Variants in DNAH2 observed in about 807,000 individuals in gnomAD.
DNAH2 encodes axonemal beta dynein heavy chain 2.
Under a neutral mutation model 523.5 loss-of-function variants are expected in DNAH2, and 323 were observed. The ratio of observed to expected loss-of-function variants is 0.62; its 90% CI spans 0.56 to 0.68. DNAH2 has a LOEUF of 0.68. Among genes scored for constraint, DNAH2 ranks in the 30% least tolerant of loss-of-function variants. DNAH2 has a pLI of 0.00. For synonymous variants in DNAH2, 2,093 were observed against 2,177.4 expected, an observed-to-expected ratio of 0.96 and a Z score of 1.08; for missense variants, 4,907 against 5,701.5, an observed-to-expected ratio of 0.86 and a Z score of 4.49.
chr17:7,779,134 T>G, intron 35 of DNAH2, 109 bp from the exon 36 acceptor site: 1 of 1,328,428 alleles, frequency 7.5e-7, no homozygotes, highest in Non-Finnish European at 1.0e-6. Context: ...CCCCCTAGTC[T>G]GGAGGCCGCC....
intron 11 of DNAH2, 124 bp from the exon 12 acceptor site, chr17:7,742,804 T>C: frequency 1.8e-6 from 1 of 568,670 alleles, no homozygotes; most frequent in Non-Finnish European, 2.7e-6. Context: ...TCCATCTCCA[T>C]AGCAAGCCTT....
Position 7,832,959 on chromosome 17 carries a change from C to G in DNAH2, c.12978+31C>G, listed in dbSNP as rs1186266309. The stretch of plus-strand genomic sequence containing the variant: ...AGCCAGTTGTGCTTGGGGCTCTGAG[C>G]AAAAGAGGGTACTGGAAATAATTGG... On this transcript the variant is annotated intron_variant, in intron 84 of 85. Transcript: ENST00000572933. This position sits in a 1 kb window ranked among gnomAD's most constrained non-coding sequence, Gnocchi z 4.3. 3.7e-6 allele frequency: 6 copies of G among 1,613,764 alleles called. No individual in the cohort carries two copies. In the Admixed American group the frequency reaches 1.0e-4, roughly 27 times the overall value.
At chr17:7,723,737 T>G (rs1597451348) in intron 3 of DNAH2, 48 bp downstream of exon 3, 2 of 1,526,520 alleles carry the variant, frequency 1.3e-6, no homozygotes, top group Admixed American at 1.7e-5. Context: ...CCAAAACTGG[T>G]GAATCAAAGG....
intron 56 of DNAH2, 22 bp from the exon 57 acceptor site, chr17:7,801,556 G>A: frequency 6.2e-7 from 1 of 1,613,750 alleles, no homozygotes; most frequent in South Asian, 1.1e-5. Flanking sequence ...GGAATTTACA[G>A]CCTCTCCAAA....
At chr17:7,756,992 A>G in intron 12 of DNAH2, 99 bp from the exon 13 acceptor site, 2 of 1,541,480 alleles carry the variant, frequency 1.3e-6, no homozygotes, top group Non-Finnish European at 1.8e-6. Flanking sequence ...TCTCATCTCG[A>G]CATTTCCCTG....
At chr17:7,812,261 CT>C in intron 63 of DNAH2, among the ~76,000 whole-genome samples, 1 of 152,254 alleles carries the variant, frequency 6.6e-6, no homozygotes, top group Non-Finnish European at 1.5e-5. Flanking sequence ...TGTATACATT[CT>C]TTTCTTAGGG....
chr17:7,733,022 C>T, intron 4 of DNAH2, 65 bp from the exon 5 acceptor site: 1 of 1,553,132 alleles, frequency 6.4e-7, no homozygotes, highest in Non-Finnish European at 8.8e-7. Context: ...CTCAGCCGGG[C>T]TTTTGTGACT....
rs1429961332 is a variant in DNAH2 at position 7,830,464 on chromosome 17, C to G, written c.12018C>G (p.Ile4006Met). 1.2e-6 allele frequency: 2 copies of G among 1,614,202 alleles called. No homozygotes were observed. Among genetic ancestry groups the G allele is most frequent in the African/African-American group, 2.7e-5 (2 of 75,056 alleles). Residue 4006 changes from isoleucine (I) to methionine (M), a missense_variant, in exon 78 of 86, where the codon ATC becomes ATG. By Grantham distance (10) the Ile-to-Met change is conservative (BLOSUM62 1). Coordinates refer to ENST00000572933, the MANE Select transcript of DNAH2 (RefSeq NM_020877.5). ...KKFLQLGWNI[I>M]YGFNDSDFEV... ...TCCTGCAGCTTGGCTGGAACATCAT[C>G]TATGGCTTCAATGACTCCGACTTTG... is the stretch of plus-strand genomic sequence containing the variant.
At chr17:7,722,084 T>C (rs1286039274) in intron 2 of DNAH2, among the ~76,000 whole-genome samples, 1 of 151,970 alleles carries the variant, frequency 6.6e-6, no homozygotes, top group Non-Finnish European at 1.5e-5. Flanking sequence ...CTGCGACCTC[T>C]GCCTCCCGGA....
chr17:7,759,882 T>C lies in DNAH2; in HGVS notation c.2729T>C (p.Leu910Pro). Residue 910 changes from leucine (L) to proline (P), a missense_variant, in exon 17 of 86, where the codon CTC becomes CCC. By Grantham distance (98) the Leu-to-Pro change is moderately conservative. Transcript: ENST00000572933. ...LFSTISVFCH[L>P]PDILTKRKLH... is the part of the protein sequence containing the mutation. ...TCCACCATCTCTGTCTTCTGCCACC[T>C]CCCTGACATTCTCACCAAGCGCAAG... is the stretch of plus-strand genomic sequence containing the variant. The C allele has an allele frequency of 4.3e-6, 7 of 1,614,156 alleles. No individual in the cohort carries two copies. The highest frequency in any genetic ancestry group is 5.9e-6 in the Non-Finnish European group (7 of 1,180,030).
intron 4 of DNAH2, among the ~76,000 whole-genome samples, chr17:7,731,885 C>T (rs181284755): frequency 3.3e-5 from 5 of 151,716 alleles, no homozygotes; most frequent in African/African-American, 7.3e-5. Context: ...AAAAATTAGC[C>T]GGGCGTGGTG....
chr17:7,792,424 CA>C, intron 46 of DNAH2, 81 bp downstream of exon 46: 1 of 1,383,756 alleles, frequency 7.2e-7, no homozygotes, highest in Non-Finnish European at 1.0e-6. Context: ...GGCCTAGAAG[CA>C]AAAATGAGCA....
At position 7,791,142 on chromosome 17, in the gene DNAH2, C is replaced by T. The variant is rs1035534102; in HGVS notation, c.6901-775C>T. Among the ~76,000 whole-genome samples the T allele has an allele frequency of 5.3e-5, 8 of 151,836 alleles. No individual in the cohort carries two copies. The South Asian group carries it at 6.2e-4, about 12-fold the overall frequency. ...AGGCTGGAGCGCAGCGGTGCCATCTCGGCTCACTGCAACCTCCACCTCCTG... is the reference window on the plus strand; with the variant it reads ...AGGCTGGAGCGCAGCGGTGCCATCTTGGCTCACTGCAACCTCCACCTCCTG... On this transcript the variant is annotated intron_variant, in intron 44 of 85. Coordinates refer to ENST00000572933, the MANE Select transcript of DNAH2 (RefSeq NM_020877.5).
At position 7,770,565 on chromosome 17, in the gene DNAH2, A is replaced by G; in HGVS notation, c.4107A>G (p.Gln1369=). ...TKELAIEVAL[Q]NIAKTWDVTQ... ...CCAATTTCTCTCCACAGGCTTTACA[A>G]AACATTGCCAAGACCTGGGATGTGA... Residue 1369 remains glutamine (Q), a synonymous_variant, in exon 26 of 86, where the codon CAA becomes CAG. Transcript: ENST00000572933. 3 of 1,614,156 alleles carry G rather than the reference A, an allele frequency of 1.9e-6. No homozygotes were observed. In the South Asian group the frequency reaches 3.3e-5, roughly 18 times the overall value.
intron 9 of DNAH2, 83 bp from the exon 10 acceptor site, chr17:7,740,337 C>G: frequency 1.3e-6 from 2 of 1,580,958 alleles, no homozygotes; most frequent in Non-Finnish European, 1.7e-6. Flanking sequence ...CTGTCCTCAG[C>G]AATGCATGGG....
At chr17:7,722,092 G>A (rs373428413) in intron 2 of DNAH2, among the ~76,000 whole-genome samples, 45 of 151,976 alleles carry the variant, frequency 3.0e-4, no homozygotes, top group Non-Finnish European at 3.8e-4. Context: ...TCTGCCTCCC[G>A]GATTCAAGCA....
At chr17:7,808,766 C>T (rs542150705) in intron 63 of DNAH2, among the ~76,000 whole-genome samples, 7 of 152,286 alleles carry the variant, frequency 4.6e-5, no homozygotes, top group Admixed American at 2.6e-4. Context: ...CCCGCCACCA[C>T]GCCCGGCTGA....
chr17:7,786,566 T>G lies in DNAH2; in HGVS notation c.6349-4T>G. ...GCTAAAACCCCTTCCGGTGTCATTT[T>G]CAGGAGTTCCCTTTGAACCCCAAGG... On this transcript the variant is annotated splice_region_variant and splice_polypyrimidine_tract_variant and intron_variant, in intron 40 of 85. Coordinates refer to ENST00000572933, the MANE Select transcript of DNAH2 (RefSeq NM_020877.5). This position sits in a 1 kb window ranked among gnomAD's most constrained non-coding sequence, Gnocchi z 7.5. 1 of 1,612,668 alleles carries G rather than the reference T, an allele frequency of 6.2e-7. No individual in the cohort carries two copies. Among genetic ancestry groups the G allele is most frequent in the Non-Finnish European group, 8.5e-7 (1 of 1,179,084 alleles).
chr17:7,791,734 A>G (rs1477076773), intron 44 of DNAH2, among the ~76,000 whole-genome samples, 183 bp from the exon 45 acceptor site: 1 of 152,148 alleles, frequency 6.6e-6, no homozygotes. Context: ...AAGAAATTTC[A>G]GGTTTGTCTG....
Sources: allele counts gnomAD v4.1 joint callset (sites outside exome capture counted in the v4.1 genomes callset), GRCh38; gene constraint gnomAD v4.1.1; non-coding constraint Gnocchi (gnomAD v3.1); transcripts MANE v1.5; gene names NCBI Gene and HGNC (gene_info 2026-07-23, HGNC 2026-07-21).